The following NAALADL2 variants were observed in gnomAD, a reference collection of about 807,000 sequenced individuals.
NAALADL2 encodes inactive N-acetylated-alpha-linked acidic dipeptidase-like protein 2.
Under a neutral mutation model 87.2 loss-of-function variants are expected in NAALADL2, and 76 were observed. The ratio of observed to expected loss-of-function variants is 0.87; its 90% CI spans 0.72 to 1.05. The LOEUF is 1.05. Ranked by LOEUF, NAALADL2 falls within the 50% of genes least tolerant of loss-of-function variation. The pLI, the probability that NAALADL2 is intolerant of heterozygous loss-of-function variation, is 0.00. For synonymous variants in NAALADL2, 354 were observed against 331.0 expected (o/e 1.07, Z -0.75); for missense variants, 1,089 against 945.8 (o/e 1.15, Z -1.99).
chr3:174,925,463 G>C (rs1326834929), intron 1 of NAALADL2, among the ~76,000 whole-genome samples: 6 of 152,130 alleles, frequency 3.9e-5, no homozygotes, highest in Non-Finnish European at 5.9e-5. Context: ...ATGCTGTTTT[G>C]GTTACTGTAG....
intron 1 of NAALADL2, among the ~76,000 whole-genome samples, chr3:174,511,110 C>T (rs1008908342): frequency 3.3e-5 from 5 of 151,878 alleles, no homozygotes; most frequent in Non-Finnish European, 5.9e-5. Flanking sequence ...TGACCCAGAA[C>T]GTGATCCATC....
At chr3:175,076,849 C>T (rs540849957) in intron 1 of NAALADL2, among the ~76,000 whole-genome samples, 1 of 152,182 alleles carries the variant, frequency 6.6e-6, no homozygotes, top group South Asian at 2.1e-4. Context: ...TGTTTATGTG[C>T]AAAGATATTG....
At chr3:174,441,212 G>T (rs1162505227) in intron 1 of NAALADL2, among the ~76,000 whole-genome samples, 5 of 151,920 alleles carry the variant, frequency 3.3e-5, no homozygotes, top group Admixed American at 1.3e-4. Flanking sequence ...CGTGAAGTAC[G>T]GGGGCCGAGG....
intron 1 of NAALADL2, among the ~76,000 whole-genome samples, chr3:175,035,914 TC>T (rs1380812942): frequency 3.3e-5 from 5 of 152,274 alleles, no homozygotes; most frequent in African/African-American, 9.6e-5. Context: ...AACTGCCTGT[TC>T]TCTTCTGGCA....
At chr3:175,371,250 T>C (rs1451866648) in intron 5 of NAALADL2, among the ~76,000 whole-genome samples, 1 of 152,058 alleles carries the variant, frequency 6.6e-6, no homozygotes, top group Non-Finnish European at 1.5e-5. Flanking sequence ...TATCAACTAA[T>C]ATTATGGATG....
intron 1 of NAALADL2, among the ~76,000 whole-genome samples, chr3:174,896,063 A>G (rs1440189244): frequency 6.6e-6 from 1 of 152,168 alleles, no homozygotes; most frequent in African/African-American, 2.4e-5. Context: ...AAAGCCATAT[A>G]TGACAGACCC....
chr3:174,593,796 G>T (rs16862262), intron 2 of NAALADL2, among the ~76,000 whole-genome samples: 38,143 of 151,842 alleles, frequency 0.25, 6,065 homozygotes, highest in East Asian at 0.74. Flanking sequence ...TTGATGGAGG[G>T]TAGATGTCCA....
intron 3 of NAALADL2, among the ~76,000 whole-genome samples, chr3:174,814,382 C>T (rs1310741165): frequency 6.6e-6 from 1 of 152,154 alleles, no homozygotes; most frequent in African/African-American, 2.4e-5. Flanking sequence ...GCTGGGATTA[C>T]AGGTGTGAGC....
Position 174,651,007 on chromosome 3 carries a change from C to T in NAALADL2, c.-114-86634C>T, listed in dbSNP as rs1724297990. Among the ~76,000 whole-genome samples the T allele has an allele frequency of 2.0e-5, 3 of 152,202 alleles. 1 individual carries two copies. The highest frequency in any genetic ancestry group is 4.1e-4 in the South Asian group (2 of 4,820). On this transcript the variant is annotated intron_variant, in intron 2 of 3. Transcript: ENST00000434257. ...AACAACTGTCCAGGTTCTTTAATAT[C>T]TCGGGTGTTCCTTTATCTCCTTCAG...
intron 5 of NAALADL2, among the ~76,000 whole-genome samples, chr3:175,432,479 C>T (rs535465511): frequency 6.6e-6 from 1 of 151,966 alleles, no homozygotes; most frequent in African/African-American, 2.4e-5. Flanking sequence ...ATAAAACCCA[C>T]CATAATAAAG....
Position 175,078,903 on chromosome 3 carries a change from G to A in NAALADL2, c.44-17887G>A, listed in dbSNP as rs1717186161. On this transcript the variant is annotated intron_variant, in intron 1 of 13. Coordinates refer to ENST00000454872, the MANE Select transcript of NAALADL2 (RefSeq NM_207015.3). Reference sequence around the variant, plus strand: ...ATTAATGCTGCTCTAAAACATTTGTGTACAAGTGTTTGTGTTATGTTTTCA... The same window carrying A: ...ATTAATGCTGCTCTAAAACATTTGTATACAAGTGTTTGTGTTATGTTTTCA... 2.0e-5 allele frequency among the ~76,000 whole-genome samples: 3 copies of A among 152,174 alleles called. 1 individual carries two copies. The highest frequency in any genetic ancestry group is 1.3e-4 in the Admixed American group (2 of 15,278).
chr3:175,558,194 CAAAAAAAAAAAA>C (rs71164638), intron 9 of NAALADL2, among the ~76,000 whole-genome samples: 990 of 82,468 alleles, frequency 0.012, 12 homozygotes, highest in Middle Eastern at 0.018. Context: ...GACCCCGTCT[CAAAAAAAAAAAA>C]AAAAAAAAAA....
intron 10 of NAALADL2, among the ~76,000 whole-genome samples, chr3:175,583,789 A>T (rs1720140438): frequency 6.6e-6 from 1 of 152,236 alleles, no homozygotes; most frequent in Admixed American, 6.5e-5. Flanking sequence ...GTTTCTTTTT[A>T]AAAAACTGAT....
In NAALADL2 at chr3:175,096,865, A is replaced by G. The variant is rs1304618042; in HGVS notation, c.119A>G (p.Asp40Gly). The change falls in exon 2 of 14, where the codon GAC becomes GGC. Residue 40 changes from aspartate to glycine, a missense_variant. Transcript: ENST00000454872. ...PGHSQYLDND[D>G]LQATALDLEW... Reference sequence around the variant, plus strand: ...CACTCACAGTACTTAGACAATGATGACCTTCAAGCCACTGCCCTTGACTTA... The same window carrying G: ...CACTCACAGTACTTAGACAATGATGGCCTTCAAGCCACTGCCCTTGACTTA... The G allele has an allele frequency of 1.2e-6, 2 of 1,612,532 alleles. No individual in the cohort carries two copies. Among genetic ancestry groups the G allele is most frequent in the East Asian group, 4.5e-5 (2 of 44,848 alleles).
chr3:174,570,636 T>TTCTAGC (rs1362190695), intron 2 of NAALADL2, among the ~76,000 whole-genome samples: 3 of 152,150 alleles, frequency 2.0e-5, no homozygotes, highest in African/African-American at 7.2e-5. Flanking sequence ...CCTTTGTGTA[T>TTCTAGC]TCTAGCTTAA....
At chr3:174,920,628 C>T (rs2108350938) in intron 1 of NAALADL2, among the ~76,000 whole-genome samples, 1 of 152,288 alleles carries the variant, frequency 6.6e-6, no homozygotes, top group East Asian at 1.9e-4. Flanking sequence ...GGTGGTTTTG[C>T]TTTGCTATCA....
intron 1 of NAALADL2, among the ~76,000 whole-genome samples, chr3:175,096,055 G>T (rs1335392005): frequency 6.6e-6 from 1 of 152,006 alleles, no homozygotes; most frequent in East Asian, 1.9e-4. Flanking sequence ...CTGGCAAAAG[G>T]CTTTCCTCTT....
chr3:174,699,991 A>T (rs1729403613), intron 2 of NAALADL2, among the ~76,000 whole-genome samples: 1 of 152,032 alleles, frequency 6.6e-6, no homozygotes. Flanking sequence ...CATTGCTGGA[A>T]GTGTCAGGTT....
chr3:174,903,961 A>ATCTATATCTATATCTATATCTATT (rs892431243), intron 1 of NAALADL2, among the ~76,000 whole-genome samples: 2 of 147,592 alleles, frequency 1.4e-5, no homozygotes, highest in African/African-American at 5.3e-5. Flanking sequence ...GAATATCTAT[A>ATCTATATCTATATCTATATCTATT]TCTATATCTA....
Sources: allele counts gnomAD v4.1 joint callset (sites outside exome capture counted in the v4.1 genomes callset), GRCh38; gene constraint gnomAD v4.1.1; transcripts MANE v1.5; gene names NCBI Gene and HGNC (gene_info 2026-07-23, HGNC 2026-07-21).